KCNIP4: variants seen among roughly 807,000 people sequenced by gnomAD.
KCNIP4 encodes potassium voltage-gated channel interacting protein 4, also known as Kv channel-interacting protein 4.
KCNIP4 carries 12 observed loss-of-function variants against 34.0 expected under a neutral mutation model. The observed-to-expected ratio is 0.35, with a 90% confidence interval of 0.23 to 0.57. The LOEUF is 0.57. KCNIP4 is among the 20% of genes least tolerant of loss of function. The probability of loss-of-function intolerance (pLI) is 0.83; values close to 1 mark genes in which losing one functional copy is unlikely to be tolerated. For missense variants in KCNIP4, 238 were observed against 311.7 expected, an observed-to-expected ratio of 0.76 and a Z score of 1.78; for synonymous variants, 124 against 102.2, an observed-to-expected ratio of 1.21 and a Z score of -1.29.
intron 1 of KCNIP4, among the ~76,000 whole-genome samples, chr4:21,900,297 C>A (rs1383626985): frequency 6.6e-6 from 1 of 152,134 alleles, no homozygotes; most frequent in African/African-American, 2.4e-5. Context: ...TTCAATTTAA[C>A]AGAAAAAACA....
At chr4:21,331,100 T>A (rs1715592065) in intron 1 of KCNIP4, among the ~76,000 whole-genome samples, 1 of 152,140 alleles carries the variant, frequency 6.6e-6, no homozygotes, top group African/African-American at 2.4e-5. Flanking sequence ...CTTCCTTAGT[T>A]AATTGAGTCT....
At chr4:20,770,583 T>C (rs1038433666) in intron 3 of KCNIP4, among the ~76,000 whole-genome samples, 10 of 152,026 alleles carry the variant, frequency 6.6e-5, no homozygotes, top group Non-Finnish European at 1.5e-4. Flanking sequence ...AGCTGCAGCA[T>C]GCACAGATTC....
chr4:21,398,100 TTTTG>T (rs1180009957), intron 1 of KCNIP4, among the ~76,000 whole-genome samples: 1 of 152,196 alleles, frequency 6.6e-6, no homozygotes. Flanking sequence ...TCGGACTCTT[TTTTG>T]TTTGTTTGTT....
At chr4:21,865,023 C>T (rs4697244) in intron 1 of KCNIP4, among the ~76,000 whole-genome samples, 53,980 of 151,820 alleles carry the variant, frequency 0.36, 11,593 homozygotes, top group East Asian at 0.65. Context: ...GAAATATCAC[C>T]ACTTAGTGAT....
intron 1 of KCNIP4, among the ~76,000 whole-genome samples, chr4:20,951,217 G>A (rs1348519796): frequency 2.0e-5 from 3 of 152,092 alleles, no homozygotes; most frequent in Non-Finnish European, 4.4e-5. Context: ...CAGGAAGAGA[G>A]CCCTCACCAC....
At chr4:21,682,018 G>A (rs1217522514) in intron 1 of KCNIP4, among the ~76,000 whole-genome samples, 2 of 151,856 alleles carry the variant, frequency 1.3e-5, no homozygotes, top group African/African-American at 4.8e-5. Flanking sequence ...CTTACTGAGT[G>A]TCTGGGATTA....
At chr4:21,130,446 C>T (rs1010598130) in intron 1 of KCNIP4, among the ~76,000 whole-genome samples, 36 of 152,146 alleles carry the variant, frequency 2.4e-4, no homozygotes, top group African/African-American at 7.5e-4. Flanking sequence ...TTCCAAGAAA[C>T]GTCATCATTG....
intron 1 of KCNIP4, among the ~76,000 whole-genome samples, chr4:20,931,274 G>A (rs1304357744): frequency 1.3e-5 from 2 of 151,932 alleles, no homozygotes; most frequent in Non-Finnish European, 2.9e-5. Flanking sequence ...GCCATGACAT[G>A]GAGGCATGGG....
chr4:21,178,577 G>T (rs1158517909), intron 1 of KCNIP4, among the ~76,000 whole-genome samples: 2 of 146,494 alleles, frequency 1.4e-5, no homozygotes, highest in African/African-American at 5.5e-5. Context: ...TTTGGGGTTG[G>T]TGATGATATT....
intron 1 of KCNIP4, among the ~76,000 whole-genome samples, chr4:21,292,493 A>G (rs1763587405): frequency 6.6e-6 from 1 of 152,194 alleles, no homozygotes; most frequent in African/African-American, 2.4e-5. Context: ...ATACCCAAGA[A>G]AATGCCTCCT....
chr4:20,744,548 A>G (rs966942990), intron 5 of KCNIP4, among the ~76,000 whole-genome samples: 4 of 151,920 alleles, frequency 2.6e-5, no homozygotes, highest in Non-Finnish European at 5.9e-5. Context: ...GTTCTCACTC[A>G]TAGGTGGGAA....
intron 1 of KCNIP4, among the ~76,000 whole-genome samples, chr4:21,823,165 A>T (rs1166842426): frequency 1.3e-5 from 2 of 152,098 alleles, no homozygotes; most frequent in African/African-American, 4.8e-5. Flanking sequence ...TCTTTTCTGA[A>T]ATTCACAATG....
intron 1 of KCNIP4, among the ~76,000 whole-genome samples, chr4:21,500,379 T>C (rs2109886158): frequency 6.6e-6 from 1 of 152,226 alleles, no homozygotes; most frequent in Non-Finnish European, 1.5e-5. Flanking sequence ...AATTTACTAC[T>C]CATTAGCTTA....
At chr4:20,939,107 T>G (rs1370534624) in intron 1 of KCNIP4, among the ~76,000 whole-genome samples, 1 of 152,122 alleles carries the variant, frequency 6.6e-6, no homozygotes, top group Non-Finnish European at 1.5e-5. Flanking sequence ...AATTCTGAAA[T>G]CTCTAAGCTT....
rs1553930263 is a variant in KCNIP4 at position 21,773,755 on chromosome 4, T to TTG, written c.61+174815_61+174816insCA. Among the ~76,000 whole-genome samples, 69 of 137,914 alleles carry TTG rather than the reference T, an allele frequency of 5.0e-4. 2 individuals carry two copies. Among genetic ancestry groups the TTG allele is most frequent in the African/African-American group, 2.2e-3 (66 of 29,644 alleles). 90.5% of individuals were successfully genotyped at this position (137,914 alleles called of 152,430 possible). A position where few individuals can be genotyped will look rare whatever the true frequency, so the allele number is the denominator to read the frequency against. The stretch of plus-strand genomic sequence containing the variant: ...CTGTTTTTTTTTGTTGTTTTTTTTT[T>TTG]TTTGTTTGTTTGTTTTTGTTTTGTT... On this transcript the variant is annotated intron_variant, in intron 1 of 8. Coordinates refer to ENST00000382152, the MANE Select transcript of KCNIP4 (RefSeq NM_025221.6).
At chr4:21,244,191 C>G (rs910194904) in intron 1 of KCNIP4, among the ~76,000 whole-genome samples, 3 of 151,962 alleles carry the variant, frequency 2.0e-5, no homozygotes, top group African/African-American at 7.2e-5. Flanking sequence ...ATTTTGATAC[C>G]TGTATAAAAT....
intron 1 of KCNIP4, among the ~76,000 whole-genome samples, chr4:21,214,703 G>A (rs891974259): frequency 6.6e-6 from 1 of 152,044 alleles, no homozygotes; most frequent in East Asian, 1.9e-4. Context: ...TATAGAGAGA[G>A]GTATATATGA....
At chr4:21,490,484 A>T (rs1409356408) in intron 1 of KCNIP4, among the ~76,000 whole-genome samples, 1 of 152,176 alleles carries the variant, frequency 6.6e-6, no homozygotes, top group Non-Finnish European at 1.5e-5. Flanking sequence ...CTTCCAAGGT[A>T]GTAAGGCTGA....
In KCNIP4 at chr4:21,879,834, T is replaced by C. The variant is rs567427949; in HGVS notation, c.61+68737A>G. On this transcript the variant is annotated intron_variant, in intron 1 of 8. Coordinates refer to ENST00000382152, the MANE Select transcript of KCNIP4 (RefSeq NM_025221.6). The stretch of plus-strand genomic sequence containing the variant: ...ATGGAAGGGACCCGGTGGGAGGTAA[T>C]TGAATCATGGAGGCAGTTACCTCCA... 2.0e-4 allele frequency among the ~76,000 whole-genome samples: 30 copies of C among 152,212 alleles called. No individual in the cohort carries two copies. In the South Asian group the frequency reaches 5.4e-3, roughly 27 times the overall value.
Sources: allele counts gnomAD v4.1 joint callset (sites outside exome capture counted in the v4.1 genomes callset), GRCh38; gene constraint gnomAD v4.1.1; transcripts MANE v1.5; gene names NCBI Gene and HGNC (gene_info 2026-07-23, HGNC 2026-07-21).